Variants in FMN1 observed in about 807,000 individuals in gnomAD.
The protein encoded by FMN1 is formin-1.
FMN1 carries 110 observed loss-of-function variants against 132.4 expected under a neutral mutation model. That is an observed-to-expected ratio of 0.83 (90% CI 0.71 to 0.97). The LOEUF is 0.97. Among genes scored for constraint, FMN1 ranks in the 50% least tolerant of loss-of-function variants. The pLI, the probability that FMN1 is intolerant of heterozygous loss-of-function variation, is 0.00. For missense variants in FMN1, 1,792 were observed against 1,705.3 expected, an observed-to-expected ratio of 1.05 and a Z score of -0.90; for synonymous variants, 722 against 651.7, an observed-to-expected ratio of 1.11 and a Z score of -1.64.
In FMN1 at chr15:33,088,804, G is replaced by A; in HGVS notation, c.2038C>T (p.Leu680Phe). The A allele has an allele frequency of 6.5e-7, 1 of 1,534,122 alleles. No homozygotes were observed. The change falls in exon 5 of 21, where the codon CTC (leucine) becomes TTC (phenylalanine). Residue 680 changes from leucine to phenylalanine, a missense_variant. Leu to Phe is a conservative substitution (Grantham distance 22). This residue lies in a region of FMN1 where 1,150 missense variants were observed against 1,043.1 expected (regional missense o/e 1.10). Transcript: ENST00000616417. ...TCACCAAGATTTCTACTTACATGGAGATCCAAGTACAATTCGCTCCTGTTT... is the reference window on the plus strand; with the variant it reads ...TCACCAAGATTTCTACTTACATGGAAATCCAAGTACAATTCGCTCCTGTTT... ...KSNRSELYLD[L>F]HPDHSLTEQD...
intron 4 of FMN1, among the ~76,000 whole-genome samples, chr15:33,115,203 G>T (rs886953739): frequency 6.6e-6 from 1 of 152,134 alleles, no homozygotes; most frequent in Non-Finnish European, 1.5e-5. Context: ...GTGTTAAAAG[G>T]AGAGTACTTA....
chr15:33,184,502 CTT>C (rs201097859), intron 2 of FMN1, among the ~76,000 whole-genome samples: 1 of 138,650 alleles, frequency 7.2e-6, no homozygotes, highest in Non-Finnish European at 1.6e-5. Context: ...TTTTTTTTTT[CTT>C]TTTTTTTTTT....
chr15:33,014,881 C>G (rs1014898427), intron 6 of FMN1, among the ~76,000 whole-genome samples: 1 of 152,180 alleles, frequency 6.6e-6, no homozygotes, highest in Non-Finnish European at 1.5e-5. Context: ...AAGTCCATCA[C>G]TTACTAAATG....
intron 6 of FMN1, among the ~76,000 whole-genome samples, chr15:33,018,323 C>T (rs529032320): frequency 6.6e-5 from 10 of 152,140 alleles, no homozygotes; most frequent in African/African-American, 2.2e-4. Flanking sequence ...CTTTAGGTAG[C>T]TTCAGGATGG....
rs3825862 is a variant in FMN1, at chr15:32,771,947, T to C, written c.*2363A>G. Reference sequence around the variant, plus strand: ...GGGAGGGGGCATCCCAGATACATGATGCAGGGTTCAGAATAGGTGAGAATA... The same window carrying C: ...GGGAGGGGGCATCCCAGATACATGACGCAGGGTTCAGAATAGGTGAGAATA... On this transcript the variant is annotated 3_prime_UTR_variant, in exon 21 of 21. Transcript: ENST00000616417. 0.57 allele frequency: 85,892 copies of C among 151,994 alleles called. 24,716 individuals are homozygous for C. Among genetic ancestry groups the C allele is most frequent in the East Asian group, 0.77 (3,973 of 5,182 alleles). 9.4% of individuals were successfully genotyped at this position (151,994 alleles called of 1,614,324 possible). A position where few individuals can be genotyped will look rare whatever the true frequency, so the allele number is the denominator to read the frequency against.
At chr15:33,091,926 A>C (rs960761679) in intron 4 of FMN1, among the ~76,000 whole-genome samples, 1 of 152,164 alleles carries the variant, frequency 6.6e-6, no homozygotes, top group African/African-American at 2.4e-5. Context: ...ATTTTGTGAA[A>C]AACTGAATCA....
At chr15:32,880,087 T>C (rs2059730045) in intron 16 of FMN1, among the ~76,000 whole-genome samples, 1 of 152,060 alleles carries the variant, frequency 6.6e-6, no homozygotes, top group South Asian at 2.1e-4. Context: ...CAACTATAAA[T>C]GATGTAGTTC....
intron 7 of FMN1, among the ~76,000 whole-genome samples, chr15:32,994,865 T>C (rs879584348): frequency 3.3e-5 from 5 of 152,224 alleles, no homozygotes; most frequent in Admixed American, 2.0e-4. Flanking sequence ...GCACTGCCTA[T>C]GAGTATGGAC....
At chr15:32,823,101 T>TTGGGCG (rs2058263849) in intron 17 of FMN1, among the ~76,000 whole-genome samples, 1 of 148,278 alleles carries the variant, frequency 6.7e-6, no homozygotes, top group Admixed American at 6.7e-5. Context: ...CTTTCTCTCC[T>TTGGGCG]ACCCACGAGC....
chr15:33,108,584 G>T (rs1313814012), intron 4 of FMN1, among the ~76,000 whole-genome samples: 8 of 152,002 alleles, frequency 5.3e-5, no homozygotes, highest in Non-Finnish European at 1.0e-4. Flanking sequence ...AAAGTTAAAG[G>T]ATTTTTTAAA....
chr15:32,825,818 C>T (rs1008420775), intron 17 of FMN1, among the ~76,000 whole-genome samples: 2 of 152,044 alleles, frequency 1.3e-5, no homozygotes, highest in Non-Finnish European at 2.9e-5. Flanking sequence ...ATCTTTAAGC[C>T]GGGAGACCGT....
intron 4 of FMN1, among the ~76,000 whole-genome samples, chr15:33,112,356 G>A (rs2039741940): frequency 6.6e-6 from 1 of 152,128 alleles, no homozygotes; most frequent in South Asian, 2.1e-4. Context: ...CTATCTCTAT[G>A]AAGAGTTGAG....
chr15:32,965,080 TTCTTA>T (rs560019450), intron 8 of FMN1, among the ~76,000 whole-genome samples: 316 of 152,252 alleles, frequency 2.1e-3, no homozygotes, highest in Non-Finnish European at 4.1e-3. Context: ...AATGTTTACT[TTCTTA>T]TCTTAATTTC....
chr15:33,111,427 C>T (rs970381882), intron 4 of FMN1, among the ~76,000 whole-genome samples: 7 of 152,032 alleles, frequency 4.6e-5, no homozygotes, highest in Non-Finnish European at 7.4e-5. Flanking sequence ...GGCATTTCCT[C>T]AAAAGGTTAA....
intron 4 of FMN1, among the ~76,000 whole-genome samples, chr15:33,139,563 C>G (rs1448580884): frequency 6.6e-6 from 1 of 152,190 alleles, no homozygotes; most frequent in Admixed American, 6.5e-5. Context: ...TGCACTCCAG[C>G]CAGGGCGACA....
At chr15:32,781,325 A>C (rs1436313149) in intron 19 of FMN1, among the ~76,000 whole-genome samples, 1 of 152,214 alleles carries the variant, frequency 6.6e-6, no homozygotes, top group Non-Finnish European at 1.5e-5. Flanking sequence ...TGAGTAGCTT[A>C]GCTCTTTATT....
At chr15:32,848,715 T>C (rs552592950) in intron 17 of FMN1, among the ~76,000 whole-genome samples, 15 of 152,148 alleles carry the variant, frequency 9.9e-5, no homozygotes, top group African/African-American at 3.6e-4. Flanking sequence ...CTATAGAAAA[T>C]TGTTTTTCAA....
At chr15:33,055,276 GTTTAAA>G (rs1366762219) in intron 6 of FMN1, among the ~76,000 whole-genome samples, 1 of 152,098 alleles carries the variant, frequency 6.6e-6, no homozygotes, top group Non-Finnish European at 1.5e-5. Flanking sequence ...ATCAAAATAT[GTTTAAA>G]CCTACCTATG....
intron 16 of FMN1, among the ~76,000 whole-genome samples, chr15:32,860,320 T>A (rs532207466): frequency 4.7e-4 from 71 of 152,200 alleles, no homozygotes; most frequent in African/African-American, 1.7e-3. Flanking sequence ...GGTTTCTTCA[T>A]CTTAACTAGA....
Sources: allele counts gnomAD v4.1 joint callset (sites outside exome capture counted in the v4.1 genomes callset), GRCh38; gene constraint gnomAD v4.1.1; regional missense constraint gnomAD v4.1.1; transcripts MANE v1.5; gene names NCBI Gene and HGNC (gene_info 2026-07-23, HGNC 2026-07-21).